Variants in GATA4 observed in about 807,000 individuals in gnomAD.
GATA4 encodes the protein transcription factor GATA-4.
Under a neutral mutation model 37.9 loss-of-function variants are expected in GATA4, and 7 were observed. The ratio of observed to expected loss-of-function variants is 0.18; its 90% CI spans 0.11 to 0.35. The LOEUF (loss-of-function observed/expected upper bound fraction) is 0.35. Among genes scored for constraint, GATA4 ranks in the 10% least tolerant of loss-of-function variants. The pLI, the probability that GATA4 is intolerant of heterozygous loss-of-function variation, is 1.00. For synonymous variants in GATA4, 372 were observed against 292.6 expected, an observed-to-expected ratio of 1.27 and a Z score of -2.77; for missense variants, 647 against 653.0, an observed-to-expected ratio of 0.99 and a Z score of 0.10.
chr8:11,727,082 C>T (rs1800961877), intron 2 of GATA4, among the ~76,000 whole-genome samples: 1 of 152,218 alleles, frequency 6.6e-6, no homozygotes, highest in Non-Finnish European at 1.5e-5. Flanking sequence ...CTCATCATAA[C>T]AAACGTCACA....
chr8:11,711,702 G>A (rs570455454), intron 2 of GATA4, among the ~76,000 whole-genome samples: 17 of 138,796 alleles, frequency 1.2e-4, no homozygotes, highest in Non-Finnish European at 2.0e-4. Flanking sequence ...ACATGAGCCC[G>A]AGGCCACTGC....
intron 4 of GATA4, among the ~76,000 whole-genome samples, chr8:11,754,441 C>G (rs1436898592): frequency 6.6e-6 from 1 of 152,190 alleles, no homozygotes. Flanking sequence ...TGGTCTCGAA[C>G]TCCTGGGCTC....
chr8:11,686,853 C>G (rs1285688322), intron 1 of GATA4, among the ~76,000 whole-genome samples: 2 of 152,076 alleles, frequency 1.3e-5, no homozygotes. Flanking sequence ...CAAAAATTAC[C>G]TGGGCATGGT....
rs757146992 is a variant in GATA4, at chr8:11,758,439, C to T, written c.1296C>T (p.Val432=). The change falls in exon 7 of 7, where the codon GTC becomes GTT. Residue 432 remains valine (V), a synonymous_variant. Transcript: ENST00000532059. ...AGCAGGACTCTTGGAACAGCCTGGT[C>T]TTGGCCGACAGTCACGGGGACATAA... is the stretch of plus-strand genomic sequence containing the variant. ...SSKQDSWNSL[V]LADSHGDIIT... 2 of 1,614,110 alleles carry T rather than the reference C, an allele frequency of 1.2e-6. No individual in the cohort carries two copies. The highest frequency in any genetic ancestry group is 2.2e-5 in the South Asian group (2 of 91,090).
chr8:11,732,353 C>T (rs1387423739), intron 2 of GATA4, among the ~76,000 whole-genome samples: 4 of 152,118 alleles, frequency 2.6e-5, no homozygotes, highest in Non-Finnish European at 4.4e-5. Flanking sequence ...AGTGCAGGTG[C>T]TTTAGATGGG....
chr8:11,714,058 A>G (rs1014370469), intron 2 of GATA4, among the ~76,000 whole-genome samples: 7 of 152,218 alleles, frequency 4.6e-5, no homozygotes, highest in African/African-American at 1.4e-4. Flanking sequence ...TAAGGCTGAA[A>G]AGGAGACCGA....
chr8:11,691,775 A>G (rs114931799), upstream of GATA4, among the ~76,000 whole-genome samples: 144 of 152,298 alleles, frequency 9.5e-4, 1 homozygote, highest in African/African-American at 3.3e-3. Flanking sequence ...CACTCAGGCC[A>G]CAGCAACCTG....
At chr8:11,715,281 TA>T (rs1213726648) in intron 2 of GATA4, among the ~76,000 whole-genome samples, 4 of 151,948 alleles carry the variant, frequency 2.6e-5, no homozygotes, top group African/African-American at 7.3e-5. Context: ...GGAAAGCGGG[TA>T]GGTGAGGGAT....
chr8:11,680,143 C>T (rs2129920651), intron 1 of GATA4, among the ~76,000 whole-genome samples: 1 of 152,364 alleles, frequency 6.6e-6, no homozygotes, highest in South Asian at 2.1e-4. Context: ...GAAAACATAA[C>T]GCGCGCCTGT....
At position 11,758,753 on chromosome 8, in the gene GATA4, C is replaced by T. The variant is rs552028139; in HGVS notation, c.*278C>T. The T allele has an allele frequency of 1.6e-5, 8 of 497,582 alleles. No homozygotes were observed. The East Asian group carries it at 3.1e-4, about 19-fold the overall frequency. 30.8% of individuals were successfully genotyped at this position (497,582 alleles called of 1,614,324 possible). A position where few individuals can be genotyped will look rare whatever the true frequency, so the allele number is the denominator to read the frequency against. On this transcript the variant is annotated 3_prime_UTR_variant, in exon 7 of 7. Transcript: ENST00000532059. Reference sequence around the variant, plus strand: ...TTGGAGACTTCTTTCCCAAGATGTCCTTGTCCCCTGCGTTCCCCACTGTGG... The same window carrying T: ...TTGGAGACTTCTTTCCCAAGATGTCTTTGTCCCCTGCGTTCCCCACTGTGG...
At chr8:11,701,941 C>T (rs1799690760), upstream of GATA4, among the ~76,000 whole-genome samples, 1 of 152,154 alleles carries the variant, frequency 6.6e-6, no homozygotes, top group Admixed American at 6.5e-5. Flanking sequence ...AAGCAAGCAC[C>T]CAGCAAAAGC....
chr8:11,758,984 C>T lies in GATA4; in HGVS notation c.*509C>T, dbSNP rs1371550780. The T allele has an allele frequency of 4.7e-6, 1 of 212,242 alleles. No individual in the cohort carries two copies. Among genetic ancestry groups the T allele is most frequent in the Non-Finnish European group, 9.6e-6 (1 of 104,234 alleles). The allele number at this position is 212,242 out of a possible 1,614,324, so 13.1% of individuals were successfully genotyped here. A position where few individuals can be genotyped will look rare whatever the true frequency, so the allele number is the denominator to read the frequency against. ...CCTGCATCCCTAATACCAAATCTGA[C>T]TCCAAAATTGTGGGGTGTGACATAC... On this transcript the variant is annotated 3_prime_UTR_variant, in exon 7 of 7. Coordinates refer to ENST00000532059, the MANE Select transcript of GATA4 (RefSeq NM_001308093.3).
chr8:11,752,980 A>G (rs1158971687), intron 4 of GATA4, among the ~76,000 whole-genome samples: 11 of 152,382 alleles, frequency 7.2e-5, no homozygotes, highest in African/African-American at 1.2e-4. Flanking sequence ...GAAATATTAT[A>G]TAGGTATTAA....
rs144763260 is a variant in GATA4 at position 11,739,092 on chromosome 8, C to T, written c.617-9824C>T. 5.1e-3 allele frequency among the ~76,000 whole-genome samples: 779 copies of T among 152,342 alleles called. 9 individuals are homozygous for T. Among genetic ancestry groups the T allele is most frequent in the African/African-American group, 0.018 (746 of 41,582 alleles). The stretch of plus-strand genomic sequence containing the variant: ...ACCGAGGTGGAAAAAGTACTTTGTA[C>T]TTTTTCTTTCCGGCCAGGAGGATCC... On this transcript the variant is annotated intron_variant, in intron 2 of 6. Coordinates refer to ENST00000532059, the MANE Select transcript of GATA4 (RefSeq NM_001308093.3).
At chr8:11,731,489 C>T (rs188345497) in intron 2 of GATA4, among the ~76,000 whole-genome samples, 1 of 152,344 alleles carries the variant, frequency 6.6e-6, no homozygotes, top group Non-Finnish European at 1.5e-5. Context: ...AGGACAAACA[C>T]TCTATGATCC....
intron 2 of GATA4, among the ~76,000 whole-genome samples, chr8:11,728,388 A>T (rs752819713): frequency 2.0e-5 from 3 of 151,802 alleles, no homozygotes; most frequent in Non-Finnish European, 2.9e-5. Flanking sequence ...TTTGTTTTTG[A>T]AACAGGGTTT....
chr8:11,680,953 C>T (rs1460338646), intron 1 of GATA4: 1 of 984,826 alleles, frequency 1.0e-6, no homozygotes, highest in African/African-American at 1.7e-5. Flanking sequence ...ACTGTGTCCC[C>T]CAGGTTAGGC....
intron 2 of GATA4, among the ~76,000 whole-genome samples, chr8:11,712,713 T>G (rs62489322): frequency 9.0e-6 from 1 of 111,040 alleles, no homozygotes; most frequent in Non-Finnish European, 1.7e-5. Context: ...AAAAAAAAAT[T>G]AACTGGGCAT....
intron 1 of GATA4, among the ~76,000 whole-genome samples, chr8:11,679,473 C>T (rs935953677): frequency 2.6e-5 from 4 of 152,084 alleles, no homozygotes; most frequent in African/African-American, 4.8e-5. Context: ...CAGGCTTGGG[C>T]CGAGGGCCGG....
Sources: gnomAD v4.1 joint callset for allele counts (sites outside exome capture counted in the v4.1 genomes callset) on GRCh38, gnomAD v4.1.1 for gene constraint, MANE v1.5 for transcripts, NCBI Gene and HGNC (gene_info 2026-07-23, HGNC 2026-07-21) for gene names.